ITGA2B: variants seen among roughly 807,000 people sequenced by gnomAD.
The protein encoded by ITGA2B is integrin alpha-IIb.
ITGA2B carries 91 observed loss-of-function variants against 142.0 expected under a neutral mutation model. The ratio of observed to expected loss-of-function variants is 0.64; its 90% CI spans 0.54 to 0.76. ITGA2B has a LOEUF of 0.76. Ranked by LOEUF, ITGA2B falls within the 30% of genes least tolerant of loss-of-function variation. ITGA2B has a pLI of 0.00. For synonymous variants in ITGA2B, 536 were observed against 567.2 expected, an observed-to-expected ratio of 0.94 and a Z score of 0.78; for missense variants, 1,231 against 1,350.8, an observed-to-expected ratio of 0.91 and a Z score of 1.39.
chr17:44,385,349 G>A lies in ITGA2B; in HGVS notation c.575-14C>T, dbSNP rs1257398510. 1.2e-6 allele frequency: 2 copies of A among 1,608,266 alleles called. No homozygotes were observed. Among genetic ancestry groups the A allele is most frequent in the Non-Finnish European group, 1.7e-6 (2 of 1,179,424 alleles). On this transcript the variant is annotated splice_polypyrimidine_tract_variant and intron_variant, in intron 4 of 29. Transcript: ENST00000262407. ...GCTTGTCCCAGCCTGCAGGAGACAA[G>A]GAGGAGGGGTCAGCGCAGGGGTGAA...
intron 1 of ITGA2B, 83 bp from the exon 2 acceptor site, chr17:44,386,214 A>G (rs1267311637): frequency 6.5e-7 from 1 of 1,533,814 alleles, no homozygotes; most frequent in African/African-American, 1.4e-5. Context: ...ACTGCCCGGA[A>G]GGCCATGTGG....
In ITGA2B at chr17:44,380,504, G is replaced by T. The variant is rs748688932; in HGVS notation, c.1440-14C>A. ...ACTGGCTGAGCTCTGATGGGATAGG[G>T]TGATGGGGTAGGCTTGCCATTGTGG... On this transcript the variant is annotated splice_polypyrimidine_tract_variant and intron_variant, in intron 14 of 29. Transcript: ENST00000262407. 1 of 1,613,920 alleles carries T rather than the reference G, an allele frequency of 6.2e-7. No individual in the cohort carries two copies. The highest frequency in any genetic ancestry group is 8.5e-7 in the Non-Finnish European group (1 of 1,179,838).
chr17:44,384,574 C>A lies in ITGA2B; in HGVS notation c.811G>T (p.Ala271Ser). The A allele has an allele frequency of 6.2e-7, 1 of 1,614,074 alleles. No individual in the cohort carries two copies. The highest frequency in any genetic ancestry group is 1.1e-5 in the South Asian group (1 of 91,088). Residue 271 changes from alanine to serine, a missense_variant, in exon 8 of 30, where the codon GCC becomes TCC. Ala to Ser is a moderately conservative substitution (Grantham distance 99). Transcript: ENST00000262407. ...YFDGYWGYSV[A>S]VGEFDGDLNT... ...AGATCCCCGTCGAACTCGCCCACGG[C>A]CACCGAGTACCCTGAGGACAAGGGC...
chr17:44,379,674 C>T lies in ITGA2B; in HGVS notation c.1878+15G>A. The T allele has an allele frequency of 6.2e-7, 1 of 1,613,368 alleles. No homozygotes were observed. Among genetic ancestry groups the T allele is most frequent in the South Asian group, 1.1e-5 (1 of 91,058 alleles). ...GGGTCCTGCACCTCCCTGGCCTGTC[C>T]CTGCCTGTCCCTACCTGCTCCTGCA... On this transcript the variant is annotated intron_variant, in intron 18 of 29. Coordinates refer to ENST00000262407, the MANE Select transcript of ITGA2B (RefSeq NM_000419.5).
chr17:44,374,562 C>G, intron 28 of ITGA2B, 92 bp from the exon 29 acceptor site: 1 of 1,506,028 alleles, frequency 6.6e-7, no homozygotes, highest in South Asian at 1.1e-5. Context: ...AGCCATGCCA[C>G]CCACCCGTAC....
rs568042649 is a variant in ITGA2B at position 44,380,235 on chromosome 17, A to G, written c.1600+11T>C. ...AGCCCACCTCCCTCCTGCCCCCTTC[A>G]TGCCACTCACATAGCTTCTGAGGAA... On this transcript the variant is annotated intron_variant, in intron 16 of 29. Transcript: ENST00000262407. The G allele has an allele frequency of 1.4e-4, 229 of 1,614,112 alleles. 3 individuals are homozygous for G. In the South Asian group the frequency reaches 2.3e-3, roughly 17 times the overall value.
At position 44,385,940 on chromosome 17, in the gene ITGA2B, G is replaced by C. The variant is rs1402894659; in HGVS notation, c.311-19C>G. Reference sequence around the variant, plus strand: ...TCATCACCTGGAAGGCACAAGAAGGGGTGGGGCGCTGAAGCCCGGCAGTCC... The same window carrying C: ...TCATCACCTGGAAGGCACAAGAAGGCGTGGGGCGCTGAAGCCCGGCAGTCC... On this transcript the variant is annotated intron_variant, in intron 2 of 29. Coordinates refer to ENST00000262407, the MANE Select transcript of ITGA2B (RefSeq NM_000419.5). The C allele has an allele frequency of 6.2e-7, 1 of 1,614,008 alleles. No homozygotes were observed. The highest frequency in any genetic ancestry group is 8.5e-7 in the Non-Finnish European group (1 of 1,179,952).
In ITGA2B at chr17:44,376,135, C is replaced by A. The variant is rs771275785; in HGVS notation, c.2398G>T (p.Glu800Ter). 1 of 1,614,188 alleles carries A rather than the reference C, an allele frequency of 6.2e-7. No homozygotes were observed. Among genetic ancestry groups the A allele is most frequent in the Non-Finnish European group, 8.5e-7 (1 of 1,180,026 alleles). ...CCCCAGCTGTCCAAGCTGTTCTGCT[C>A]CCTCTCACCTTCTTCTGCTGCCACC... ...LVVAAEEGER[E>*]QNSLDSWGPK... Residue 800 changes from glutamate to a stop codon, truncating the protein, a stop_gained, in exon 24 of 30, where the codon GAG becomes TAG. Transcript: ENST00000262407. LOFTEE classifies it high-confidence loss of function.
chr17:44,377,184 C>A, intron 21 of ITGA2B, 96 bp from the exon 22 acceptor site: 1 of 882,124 alleles, frequency 1.1e-6, no homozygotes, highest in Non-Finnish European at 1.8e-6. Context: ...TCCAAGATCA[C>A]CACTATTCTT....
Position 44,372,208 on chromosome 17 carries a change from C to A in ITGA2B, c.*156G>T. 1 of 711,512 alleles carries A rather than the reference C, an allele frequency of 1.4e-6. No individual in the cohort carries two copies. The highest frequency in any genetic ancestry group is 1.5e-5 in the South Asian group (1 of 65,024). The allele number at this position is 711,512 out of a possible 1,614,324, so 44.1% of individuals were successfully genotyped here. A position where few individuals can be genotyped will look rare whatever the true frequency, so the allele number is the denominator to read the frequency against. ...AGGGCTCAGTCTCTTTATTAGGCAG[C>A]AGGAGGGGGGGTAGCCCAGCTCTGT... On this transcript the variant is annotated 3_prime_UTR_variant, in exon 30 of 30. Coordinates refer to ENST00000262407, the MANE Select transcript of ITGA2B (RefSeq NM_000419.5).
intron 12 of ITGA2B, among the ~76,000 whole-genome samples, chr17:44,382,746 G>A (rs1330413129): frequency 6.6e-6 from 1 of 151,280 alleles, no homozygotes; most frequent in Non-Finnish European, 1.5e-5. Flanking sequence ...GCAGCAGCAG[G>A]AGCTGCAGCG....
rs1010021089 is a variant in ITGA2B at position 44,384,119 on chromosome 17, T to C, written c.911A>G (p.Tyr304Cys). 2.5e-6 allele frequency: 4 copies of C among 1,613,666 alleles called. No homozygotes were observed. In the African/African-American group the frequency reaches 4.0e-5, roughly 16 times the overall value. Residue 304 changes from tyrosine to cysteine, a missense_variant, in exon 10 of 30, where the codon TAC (tyrosine) becomes TGC (cysteine). Tyr to Cys is a radical substitution (Grantham distance 194). Coordinates refer to ENST00000262407, the MANE Select transcript of ITGA2B (RefSeq NM_000419.5). ...TLGAVEILDSYYQRLHRLRGE... is the reference protein window; with the variant it reads ...TLGAVEILDSCYQRLHRLRGE... ...GCGCAGCCGATGCAGCCTCTGGTAG[T>C]AGGAATCCAAAATTTCCACCTGCAC...
Position 44,385,614 on chromosome 17 carries a change from G to C in ITGA2B, c.511C>G (p.Arg171Gly), listed in dbSNP as rs749432805. 2 of 1,612,176 alleles carry C rather than the reference G, an allele frequency of 1.2e-6. No individual in the cohort carries two copies. The highest frequency in any genetic ancestry group is 4.5e-5 in the East Asian group (2 of 44,876). ...CCGCGACAGGGGGAGTACTCGGCGC[G>C]GCGGCCGCTCTCTGGCTGAGCCAAA... ...CFLAQPESGR[R>G]AEYSPCRGNT... is the part of the protein sequence containing the mutation. Residue 171 changes from arginine to glycine, a missense_variant, in exon 4 of 30, where the codon CGC becomes GGC. Around this residue, in one of 3 missense-constraint regions of ITGA2B, gnomAD observed 318 missense variants for 312.2 expected, o/e 1.02. Transcript: ENST00000262407.
At chr17:44,374,605 T>TG in intron 28 of ITGA2B, 54 bp downstream of exon 28, 2 of 1,558,886 alleles carry the variant, frequency 1.3e-6, no homozygotes, top group African/African-American at 2.7e-5. Context: ...GGGCACTGAC[T>TG]GGGGGACAAT....
In ITGA2B at chr17:44,380,613, C is replaced by T; in HGVS notation, c.1426G>A (p.Val476Met). 1 of 1,614,202 alleles carries T rather than the reference C, an allele frequency of 6.2e-7. No homozygotes were observed. The highest frequency in any genetic ancestry group is 8.5e-7 in the Non-Finnish European group (1 of 1,180,034). ...LIVGAYGANQ[V>M]AVYRAQPVVK... ...GCCAGTGCTCACCTGTACACAGCCA[C>T]CTGGTTGGCCCCGTAAGCTCCCACG... Residue 476 changes from valine (V) to methionine (M), a missense_variant, in exon 14 of 30, where the codon GTG (valine) becomes ATG (methionine). Physicochemically the swap from Val to Met is conservative, Grantham distance 21. This residue lies in a region of ITGA2B where 908 missense variants were observed against 1,021.1 expected (regional missense o/e 0.89). Coordinates refer to ENST00000262407, the MANE Select transcript of ITGA2B (RefSeq NM_000419.5).
At position 44,379,778 on chromosome 17, in the gene ITGA2B, CA is replaced by C; in HGVS notation, c.1788del (p.Ile596MetfsTer54). ...EADFRDKLSP[I>X]VLSLNVSLPP... Reference sequence around the variant, plus strand: ...GGTAGGGACACATTGAGGCTGAGCACAATGGGGCTCAGCTTGTCCCGGAAGT... The same window carrying C: ...GGTAGGGACACATTGAGGCTGAGCACATGGGGCTCAGCTTGTCCCGGAAGT... On this transcript the variant is annotated frameshift_variant, in exon 18 of 30. Coordinates refer to ENST00000262407, the MANE Select transcript of ITGA2B (RefSeq NM_000419.5). LOFTEE classifies it high-confidence loss of function. 1 of 1,613,930 alleles carries C rather than the reference CA, an allele frequency of 6.2e-7. No homozygotes were observed. Among genetic ancestry groups the C allele is most frequent in the Non-Finnish European group, 8.5e-7 (1 of 1,180,010 alleles).
At chr17:44,378,249 C>A in intron 20 of ITGA2B, 113 bp downstream of exon 20, 2 of 1,305,298 alleles carry the variant, frequency 1.5e-6, no homozygotes, top group Non-Finnish European at 2.0e-6. Flanking sequence ...TAAAAAATTA[C>A]ATCTTTGACA....
chr17:44,388,167 T>A (rs2048666357), intron 1 of ITGA2B, among the ~76,000 whole-genome samples: 1 of 152,128 alleles, frequency 6.6e-6, no homozygotes, highest in South Asian at 2.1e-4. Context: ...AAGACTCTAA[T>A]CTTGGCACTC....
chr17:44,378,252 C>CT, intron 20 of ITGA2B, 110 bp downstream of exon 20: 1 of 1,343,182 alleles, frequency 7.4e-7, no homozygotes. Context: ...AAAATTACAT[C>CT]TTTGACAGCA....
Sources: gnomAD v4.1 joint callset for allele counts (sites outside exome capture counted in the v4.1 genomes callset) on GRCh38, gnomAD v4.1.1 for gene constraint, gnomAD v4.1.1 regional missense constraint, MANE v1.5 for transcripts, NCBI Gene and HGNC (gene_info 2026-07-23, HGNC 2026-07-21) for gene names.